The following FTO variants were observed in gnomAD, a reference collection of about 807,000 sequenced individuals.
FTO encodes the protein alpha-ketoglutarate-dependent dioxygenase FTO.
FTO carries 47 observed loss-of-function variants against 63.9 expected under a neutral mutation model. The observed-to-expected ratio is 0.74, with a 90% CI of 0.58 to 0.94. The LOEUF is 0.94. FTO is among the 40% of genes least tolerant of loss of function. The pLI is 0.00. For synonymous variants in FTO, 207 were observed against 224.4 expected (o/e 0.92, Z 0.69); for missense variants, 562 against 618.1 (o/e 0.91, Z 0.96).
In FTO at chr16:54,115,058, G is replaced by A. The variant is rs1311445294; in HGVS notation, c.*3143G>A. Reference sequence around the variant, plus strand: ...ATCCTGCAGGGTCAAAGGAAGGCTTGCTTCTGCTGTGAATTGGAGAAGGAC... The same window carrying A: ...ATCCTGCAGGGTCAAAGGAAGGCTTACTTCTGCTGTGAATTGGAGAAGGAC... On this transcript the variant is annotated 3_prime_UTR_variant, in exon 9 of 9. Transcript: ENST00000471389. 2 of 152,250 alleles carry A rather than the reference G, an allele frequency of 1.3e-5. No homozygotes were observed. The highest frequency in any genetic ancestry group is 2.9e-5 in the Non-Finnish European group (2 of 68,066). The allele number at this position is 152,250 out of a possible 1,614,324, so 9.4% of individuals were successfully genotyped here.
intron 1 of FTO, among the ~76,000 whole-genome samples, chr16:53,739,027 A>G (rs938718269): frequency 6.6e-6 from 1 of 151,978 alleles, no homozygotes; most frequent in Admixed American, 6.6e-5. Context: ...GTCTCCCCAT[A>G]TGTTGCCCAA....
At chr16:54,070,019 A>G (rs1409641737) in intron 8 of FTO, 1 of 152,050 alleles carries the variant, frequency 6.6e-6, no homozygotes, top group Admixed American at 6.6e-5. Context: ...TTGACAACCC[A>G]TCTCATTTAA....
At chr16:53,764,854 G>A (rs1043793573) in intron 1 of FTO, among the ~76,000 whole-genome samples, 5 of 151,970 alleles carry the variant, frequency 3.3e-5, no homozygotes, top group Non-Finnish European at 7.4e-5. Flanking sequence ...CGAATAGCTG[G>A]GATTACAGGC....
intron 1 of FTO, among the ~76,000 whole-genome samples, chr16:53,787,147 AAG>A (rs763826061): frequency 1.1e-3 from 161 of 149,110 alleles, no homozygotes; most frequent in Non-Finnish European, 2.1e-3. Flanking sequence ...AAAAAAGAAA[AAG>A]AAACACCATC....
chr16:53,787,252 C>T (rs1184760992), intron 1 of FTO, among the ~76,000 whole-genome samples: 3 of 150,672 alleles, frequency 2.0e-5, no homozygotes, highest in Non-Finnish European at 2.9e-5. Flanking sequence ...CTATCTATCA[C>T]CTTATGGGCC....
chr16:54,056,176 TA>T (rs1251495826), intron 8 of FTO, among the ~76,000 whole-genome samples: 2 of 152,230 alleles, frequency 1.3e-5, no homozygotes, highest in African/African-American at 2.4e-5. Flanking sequence ...TTAAATATCT[TA>T]AGCTAAGGGT....
chr16:53,951,624 ACT>A (rs1446896813), intron 8 of FTO, among the ~76,000 whole-genome samples: 2 of 151,998 alleles, frequency 1.3e-5, no homozygotes, highest in African/African-American at 4.8e-5. Flanking sequence ...TTTGAAATTC[ACT>A]CTCAGCAATT....
chr16:53,803,046 T>C (rs916791017), intron 1 of FTO, among the ~76,000 whole-genome samples: 9 of 152,238 alleles, frequency 5.9e-5, no homozygotes, highest in Non-Finnish European at 1.2e-4. Flanking sequence ...AGTTGATTTT[T>C]CTCTTCATTA....
At chr16:54,050,887 GA>G (rs1465885721) in intron 8 of FTO, among the ~76,000 whole-genome samples, 2 of 152,008 alleles carry the variant, frequency 1.3e-5, no homozygotes, top group African/African-American at 4.8e-5. Flanking sequence ...TTGCTAGAGA[GA>G]GCAAAAAAAG....
chr16:54,033,799 G>A (rs888744177), intron 8 of FTO, among the ~76,000 whole-genome samples: 4 of 152,222 alleles, frequency 2.6e-5, no homozygotes, highest in South Asian at 2.1e-4. Flanking sequence ...CTGGGCCACC[G>A]AGCAAGACCC....
At position 54,085,330 on chromosome 16, in the gene FTO, C is replaced by A. The variant is rs189238583; in HGVS notation, c.1365-26432C>A. On this transcript the variant is annotated intron_variant, in intron 8 of 8. Coordinates refer to ENST00000471389, the MANE Select transcript of FTO (RefSeq NM_001080432.3). ...TTCTATAGTTATCCATTTTTTCCAG[C>A]CTTCCTTTAGATTTTGGAAAAACAC... 2.9e-3 allele frequency among the ~76,000 whole-genome samples: 435 copies of A among 152,286 alleles called. 3 individuals carry two copies. The highest frequency in any genetic ancestry group is 5.4e-3 in the Non-Finnish European group (364 of 68,020).
At chr16:53,825,783 G>A (rs772003837) in intron 2 of FTO, 81 bp from the exon 3 acceptor site, 131 of 1,543,716 alleles carry the variant, frequency 8.5e-5, no homozygotes, top group Non-Finnish European at 1.0e-4. Context: ...CTCCCCAAAT[G>A]CTTACAAAGA....
At chr16:53,721,830 G>A (rs1186411984) in intron 1 of FTO, among the ~76,000 whole-genome samples, 2 of 152,034 alleles carry the variant, frequency 1.3e-5, no homozygotes, top group Non-Finnish European at 2.9e-5. Flanking sequence ...GTCACCCTCT[G>A]ACCCCATATT....
chr16:54,056,948 A>G (rs926557852), intron 8 of FTO, among the ~76,000 whole-genome samples: 1 of 152,222 alleles, frequency 6.6e-6, no homozygotes, highest in Non-Finnish European at 1.5e-5. Flanking sequence ...GTAGGCATTG[A>G]ATGACAACTT....
At chr16:53,869,269 C>CA (rs1555487455) in intron 4 of FTO, among the ~76,000 whole-genome samples, 1 of 150,816 alleles carries the variant, frequency 6.6e-6, no homozygotes, top group Non-Finnish European at 1.5e-5. Flanking sequence ...CGTCAGATAG[C>CA]TTTTTTTTTG....
Position 53,796,049 on chromosome 16 carries a change from CTT to C in FTO, c.46-14076_46-14075del, listed in dbSNP as rs745383491. Among the ~76,000 whole-genome samples the C allele has an allele frequency of 2.4e-3, 337 of 138,368 alleles. 3 individuals are homozygous for C. Among genetic ancestry groups the C allele is most frequent in the African/African-American group, 7.8e-3 (287 of 36,784 alleles). The allele number at this position is 138,368 out of a possible 152,430, so 90.8% of individuals were successfully genotyped here. On this transcript the variant is annotated intron_variant, in intron 1 of 8. Coordinates refer to ENST00000471389, the MANE Select transcript of FTO (RefSeq NM_001080432.3). ...TTTTGTTTTTTTTCTTTCTTTCTTT[CTT>C]TTTTTTTTTTTTTTGGAGACGGAGT...
At chr16:53,716,426 G>A (rs1257210847) in intron 1 of FTO, among the ~76,000 whole-genome samples, 3 of 152,086 alleles carry the variant, frequency 2.0e-5, no homozygotes. Context: ...GGTTAAGAAC[G>A]TGGAATCCTT....
At chr16:53,707,130 T>C (rs1031415376) in intron 1 of FTO, among the ~76,000 whole-genome samples, 7 of 152,186 alleles carry the variant, frequency 4.6e-5, no homozygotes, top group Non-Finnish European at 1.0e-4. Flanking sequence ...CAGAAATTTA[T>C]TATCTTACAG....
chr16:54,034,599 A>G (rs894674482), intron 8 of FTO, among the ~76,000 whole-genome samples: 1 of 152,150 alleles, frequency 6.6e-6, no homozygotes. Context: ...TTTGAGACCA[A>G]TAGGATGGTG....
Sources: gnomAD v4.1 joint callset for allele counts (sites outside exome capture counted in the v4.1 genomes callset) on GRCh38, gnomAD v4.1.1 for gene constraint, MANE v1.5 for transcripts, NCBI Gene and HGNC (gene_info 2026-07-23, HGNC 2026-07-21) for gene names.